FOCAD: variants seen among roughly 807,000 people sequenced by gnomAD.
FOCAD encodes KIAA1797.
Under a neutral mutation model 225.6 loss-of-function variants are expected in FOCAD, and 198 were observed. That is an observed-to-expected ratio of 0.88 (90% CI 0.78 to 0.99). The LOEUF (loss-of-function observed/expected upper bound fraction) is 0.99. Ranked by LOEUF, FOCAD falls within the 50% of genes least tolerant of loss-of-function variation. The pLI is 0.00. For synonymous variants in FOCAD, 897 were observed against 755.0 expected (o/e 1.19, Z -3.08); for missense variants, 2,713 against 2,123.6 (o/e 1.28, Z -5.46).
intron 4 of FOCAD, among the ~76,000 whole-genome samples, chr9:20,725,691 A>G (rs1001569352): frequency 2.6e-4 from 39 of 152,182 alleles, no homozygotes; most frequent in African/African-American, 6.3e-4. Context: ...CAAGCCCACA[A>G]TTTGAGAAAC....
chr9:20,801,371 T>G (rs1055054491), intron 11 of FOCAD, among the ~76,000 whole-genome samples: 3 of 152,096 alleles, frequency 2.0e-5, no homozygotes, highest in African/African-American at 7.2e-5. Context: ...AAGAAAGAAA[T>G]AAAATTATGT....
intron 5 of FOCAD, among the ~76,000 whole-genome samples, chr9:20,747,763 G>T (rs1206521271): frequency 6.7e-6 from 1 of 150,058 alleles, no homozygotes; most frequent in East Asian, 1.9e-4. Flanking sequence ...CCATTCCATA[G>T]ATATAAAATT....
chr9:20,981,553 G>T lies in FOCAD; in HGVS notation c.4505G>T (p.Ser1502Ile). The part of the protein sequence containing the change: ...AVFKAASPLG[S>I]PELCPSALHG... ...TTTAAAGCAGCTTCCCCACTTGGAA[G>T]TCCTGAGCTATGCCCAAGTGCTTTA... Residue 1502 changes from serine to isoleucine, a missense_variant, in exon 38 of 44, where the codon AGT (serine) becomes ATT (isoleucine). Coordinates refer to ENST00000338382, the MANE Select transcript of FOCAD (RefSeq NM_001375567.1). 1 of 1,614,076 alleles carries T rather than the reference G, an allele frequency of 6.2e-7. No homozygotes were observed.
intron 28 of FOCAD, among the ~76,000 whole-genome samples, chr9:20,935,848 C>A (rs979188126): frequency 2.6e-5 from 4 of 152,322 alleles, no homozygotes; most frequent in Non-Finnish European, 5.9e-5. Flanking sequence ...TACCAACCTG[C>A]TTAGCATTAA....
chr9:20,901,192 A>ATGTGTGTGTGTGTG (rs71334562), intron 21 of FOCAD, among the ~76,000 whole-genome samples: 2 of 105,678 alleles, frequency 1.9e-5, no homozygotes, highest in African/African-American at 6.3e-5. Flanking sequence ...TGTGGAAACA[A>ATGTGTGTGTGTGTG]TGTGTGTGTG....
chr9:20,946,121 A>G (rs934236078), intron 29 of FOCAD, among the ~76,000 whole-genome samples: 1 of 151,780 alleles, frequency 6.6e-6, no homozygotes, highest in African/African-American at 2.4e-5. Context: ...TCATTCATTC[A>G]TCAACATATT....
intron 4 of FOCAD, among the ~76,000 whole-genome samples, chr9:20,733,010 C>CT (rs957855625): frequency 2.1e-4 from 32 of 152,012 alleles, no homozygotes; most frequent in Non-Finnish European, 3.5e-4. Flanking sequence ...CTGGATATGC[C>CT]TTTTTTTGTT....
chr9:20,990,422 T>G (rs984315762), intron 42 of FOCAD, 48 bp downstream of exon 42: 2 of 1,597,098 alleles, frequency 1.3e-6, no homozygotes, highest in Admixed American at 1.7e-5. Flanking sequence ...CCATTGTCTC[T>G]TCAGCAGTTT....
intron 2 of FOCAD, among the ~76,000 whole-genome samples, chr9:20,678,155 C>A (rs755807673): frequency 2.1e-4 from 32 of 152,238 alleles, no homozygotes; most frequent in Non-Finnish European, 4.0e-4. Flanking sequence ...TCCCTTGGTG[C>A]TGGGAACATT....
intron 37 of FOCAD, among the ~76,000 whole-genome samples, chr9:20,979,168 C>A (rs1840467240): frequency 6.6e-6 from 1 of 152,176 alleles, no homozygotes; most frequent in Admixed American, 6.5e-5. Context: ...TTCCATGATT[C>A]TTTAGAGGTT....
chr9:20,714,503 C>A (rs1235814106), intron 1 of FOCAD, among the ~76,000 whole-genome samples: 1 of 151,904 alleles, frequency 6.6e-6, no homozygotes, highest in African/African-American at 2.4e-5. Flanking sequence ...TTGGTAGGTT[C>A]AGTGCTTCAT....
At chr9:20,976,063 T>C (rs1483414532) in intron 35 of FOCAD, among the ~76,000 whole-genome samples, 1 of 152,134 alleles carries the variant, frequency 6.6e-6, no homozygotes, top group Admixed American at 6.6e-5. Context: ...GATAAAAAGA[T>C]TTTGAATGTT....
intron 18 of FOCAD, 166 bp from the exon 19 acceptor site, chr9:20,874,515 A>T (rs1830063297): frequency 1.6e-6 from 1 of 631,214 alleles, no homozygotes; most frequent in African/African-American, 1.9e-5. Context: ...TAGTTAATCT[A>T]AAAAATGAAT....
chr9:20,995,456 G>A, intron 43 of FOCAD, 100 bp from the exon 44 acceptor site: 1 of 886,388 alleles, frequency 1.1e-6, no homozygotes, highest in East Asian at 2.6e-5. Flanking sequence ...CCCTAGTCTT[G>A]AACATTAGCC....
At chr9:20,833,634 C>T (rs1034329326) in intron 15 of FOCAD, among the ~76,000 whole-genome samples, 4 of 152,002 alleles carry the variant, frequency 2.6e-5, no homozygotes, top group Non-Finnish European at 5.9e-5. Flanking sequence ...CTGCCTGACC[C>T]AAGTAGTCCT....
chr9:20,765,906 A>G (rs939184150), intron 7 of FOCAD, among the ~76,000 whole-genome samples: 22 of 152,328 alleles, frequency 1.4e-4, no homozygotes, highest in African/African-American at 4.3e-4. Flanking sequence ...GAGGTCACAC[A>G]TGACCTGCTT....
chr9:20,741,484 C>T, intron 5 of FOCAD, among the ~76,000 whole-genome samples: 1 of 151,882 alleles, frequency 6.6e-6, no homozygotes, highest in Middle Eastern at 3.2e-3. Flanking sequence ...TTTTTTTAAA[C>T]AAAGTCATAT....
chr9:20,661,087 G>T (rs1821704529), intron 2 of FOCAD, among the ~76,000 whole-genome samples: 1 of 152,206 alleles, frequency 6.6e-6, no homozygotes, highest in Admixed American at 6.5e-5. Context: ...AGCACAGCTG[G>T]AGAGCTAAGG....
upstream of FOCAD, among the ~76,000 whole-genome samples, chr9:20,657,007 T>A: frequency 6.6e-6 from 1 of 152,126 alleles, no homozygotes; most frequent in Non-Finnish European, 1.5e-5. Flanking sequence ...TGCTTGTCTG[T>A]AAAGTATTTT....
Sources: allele counts gnomAD v4.1 joint callset (sites outside exome capture counted in the v4.1 genomes callset), GRCh38; gene constraint gnomAD v4.1.1; transcripts MANE v1.5; gene names NCBI Gene and HGNC (gene_info 2026-07-23, HGNC 2026-07-21).